The following PTPRT variants were observed in gnomAD, a reference collection of about 807,000 sequenced individuals.
PTPRT encodes the protein receptor-type tyrosine-protein phosphatase T.
Under a neutral mutation model 176.8 loss-of-function variants are expected in PTPRT, and 56 were observed. The ratio of observed to expected loss-of-function variants is 0.32; its 90% CI spans 0.26 to 0.40. PTPRT has a LOEUF of 0.40. Ranked by LOEUF, PTPRT falls within the 10% of genes least tolerant of loss-of-function variation. The pLI is 1.00. For missense variants in PTPRT, 1,540 were observed against 1,908.2 expected, an observed-to-expected ratio of 0.81 and a Z score of 3.60; for synonymous variants, 783 against 739.0, an observed-to-expected ratio of 1.06 and a Z score of -0.96.
At chr20:42,452,250 A>G (rs2070843950) in intron 8 of PTPRT, among the ~76,000 whole-genome samples, 1 of 150,972 alleles carries the variant, frequency 6.6e-6, no homozygotes, top group African/African-American at 2.4e-5. Context: ...GCCTAGTGAC[A>G]GACTGAGACT....
intron 2 of PTPRT, among the ~76,000 whole-genome samples, chr20:42,827,871 A>G (rs1385122104): frequency 6.6e-6 from 1 of 152,202 alleles, no homozygotes; most frequent in Non-Finnish European, 1.5e-5. Context: ...AGGCATCCCC[A>G]GCCATGCTGA....
At chr20:42,880,195 T>G (rs929680938) in intron 2 of PTPRT, among the ~76,000 whole-genome samples, 1 of 152,036 alleles carries the variant, frequency 6.6e-6, no homozygotes, top group African/African-American at 2.4e-5. Context: ...GCAGAATCAC[T>G]AGACCTAAAG....
chr20:43,088,033 C>T (rs576321333), intron 1 of PTPRT, among the ~76,000 whole-genome samples: 4 of 146,906 alleles, frequency 2.7e-5, no homozygotes, highest in Non-Finnish European at 6.0e-5. Flanking sequence ...AAGGAGGATA[C>T]GGAACATTTC....
At chr20:43,139,725 C>T (rs1220045834) in intron 1 of PTPRT, among the ~76,000 whole-genome samples, 1 of 152,180 alleles carries the variant, frequency 6.6e-6, no homozygotes, top group Non-Finnish European at 1.5e-5. Context: ...GGAAAACGGT[C>T]ACCCCAGGCC....
At position 42,982,702 on chromosome 20, in the gene PTPRT, A is replaced by G. The variant is rs879464358; in HGVS notation, c.89-96770T>C. Among the ~76,000 whole-genome samples the G allele has an allele frequency of 4.3e-4, 66 of 152,268 alleles. 1 individual carries two copies. Among genetic ancestry groups the G allele is most frequent in the Non-Finnish European group, 7.9e-4 (54 of 68,028 alleles). On this transcript the variant is annotated intron_variant, in intron 1 of 30. Transcript: ENST00000373187. ...CTCCGTCCACTCGGCTTCCCCAGCCAAGGACCTGGTTGCCTCCCAGGTCCT... is the reference window on the plus strand; with the variant it reads ...CTCCGTCCACTCGGCTTCCCCAGCCGAGGACCTGGTTGCCTCCCAGGTCCT...
chr20:42,356,081 A>T (rs2058354527), intron 9 of PTPRT, among the ~76,000 whole-genome samples: 1 of 152,220 alleles, frequency 6.6e-6, no homozygotes, highest in South Asian at 2.1e-4. Context: ...TGAAAAATTT[A>T]ACTTGCAAGT....
At chr20:42,761,131 T>C (rs1296722801) in intron 5 of PTPRT, among the ~76,000 whole-genome samples, 1 of 152,074 alleles carries the variant, frequency 6.6e-6, no homozygotes, top group Non-Finnish European at 1.5e-5. Context: ...CCCTGGGAAA[T>C]TGTTAAAAAT....
Position 42,791,333 on chromosome 20 carries a change from G to A in PTPRT, c.348C>T (p.Ser116=), listed in dbSNP as rs1375968907. 7 of 1,614,090 alleles carry A rather than the reference G, an allele frequency of 4.3e-6. No individual in the cohort carries two copies. In the Admixed American group the frequency reaches 8.3e-5, roughly 19 times the overall value. The part of the protein sequence containing the change: ...HYYFSSRDRS[S]PGALNVYVKV... ...TCACGTAGACGTTCAAGGCCCCTGG[G>A]CTGGACCTGTCACGGCTGGAGAAGT... Residue 116 remains serine (S), a synonymous_variant, in exon 3 of 31, where the codon AGC becomes AGT. Transcript: ENST00000373187.
chr20:42,039,451 G>A, the PTPRT span, among the ~76,000 whole-genome samples: 1 of 151,924 alleles, frequency 6.6e-6, no homozygotes, highest in Non-Finnish European at 1.5e-5. Flanking sequence ...TAACTAAAAT[G>A]TTGTGACCTT....
intron 13 of PTPRT, among the ~76,000 whole-genome samples, chr20:42,257,439 C>T (rs1319221966): frequency 6.6e-6 from 1 of 152,130 alleles, no homozygotes; most frequent in South Asian, 2.1e-4. Flanking sequence ...TTAATCTTCA[C>T]TGCCCTATCA....
intron 5 of PTPRT, among the ~76,000 whole-genome samples, chr20:42,770,557 C>T (rs941402938): frequency 6.6e-6 from 1 of 151,998 alleles, no homozygotes; most frequent in Non-Finnish European, 1.5e-5. Flanking sequence ...AAGGCAAATT[C>T]AAGCTTCAAA....
intron 6 of PTPRT, among the ~76,000 whole-genome samples, chr20:42,718,631 T>A (rs1202472118): frequency 6.6e-6 from 1 of 152,140 alleles, no homozygotes; most frequent in Admixed American, 6.5e-5. Context: ...AAAAAATATA[T>A]AATTTATGCT....
intron 1 of PTPRT, among the ~76,000 whole-genome samples, chr20:43,162,736 C>T (rs1390167397): frequency 2.4e-5 from 3 of 127,244 alleles, no homozygotes; most frequent in Non-Finnish European, 5.5e-5. Flanking sequence ...ATGGTTCCAA[C>T]CACACCAAAG....
the PTPRT span, among the ~76,000 whole-genome samples, chr20:42,053,600 G>T: frequency 6.6e-6 from 1 of 152,190 alleles, no homozygotes; most frequent in Non-Finnish European, 1.5e-5. Flanking sequence ...TTAACAAGAT[G>T]CATGGAGGAG....
intron 17 of PTPRT, among the ~76,000 whole-genome samples, chr20:42,150,701 G>A (rs1261660137): frequency 1.3e-5 from 2 of 152,160 alleles, no homozygotes; most frequent in African/African-American, 2.4e-5. Context: ...TCACCACTTC[G>A]AGTGTCAATA....
At chr20:42,157,112 G>A (rs1288596674) in intron 17 of PTPRT, among the ~76,000 whole-genome samples, 1 of 152,040 alleles carries the variant, frequency 6.6e-6, no homozygotes, top group South Asian at 2.1e-4. Flanking sequence ...CTTTGCAACT[G>A]CTTGTACATG....
chr20:42,275,367 T>C (rs1359638988), intron 13 of PTPRT, among the ~76,000 whole-genome samples: 3 of 152,232 alleles, frequency 2.0e-5, no homozygotes, highest in Non-Finnish European at 2.9e-5. Context: ...CTTTAGAAGA[T>C]GCAACTGCTT....
intron 2 of PTPRT, among the ~76,000 whole-genome samples, chr20:42,866,404 T>C (rs2078747546): frequency 6.6e-6 from 1 of 152,184 alleles, no homozygotes; most frequent in Non-Finnish European, 1.5e-5. Flanking sequence ...TTTGTTCATC[T>C]CTTTCACCAA....
At position 42,118,452 on chromosome 20, in the gene PTPRT, T is replaced by A; in HGVS notation, c.2933A>T (p.Glu978Val). The A allele has an allele frequency of 6.2e-7, 1 of 1,613,304 alleles. No homozygotes were observed. The highest frequency in any genetic ancestry group is 1.7e-5 in the Admixed American group (1 of 59,950). ...VKDFWRMIWQ[E>V]NSASIVMVTN... is the part of the protein sequence containing the mutation. ...GACCATGACGATGCTGGCGGAGTTCTCCTGCCAGATCATTCTCCAAAAGTC... is the reference window on the plus strand; with the variant it reads ...GACCATGACGATGCTGGCGGAGTTCACCTGCCAGATCATTCTCCAAAAGTC... The change falls in exon 21 of 31, where the codon GAG becomes GTG. Residue 978 changes from glutamate (E) to valine (V), a missense_variant. This residue lies in a region of PTPRT where 248 missense variants were observed against 356.7 expected (regional missense o/e 0.70). Coordinates refer to ENST00000373187, the MANE Select transcript of PTPRT (RefSeq NM_007050.6).
Sources: allele counts gnomAD v4.1 joint callset (sites outside exome capture counted in the v4.1 genomes callset), GRCh38; gene constraint gnomAD v4.1.1; regional missense constraint gnomAD v4.1.1; transcripts MANE v1.5; gene names NCBI Gene and HGNC (gene_info 2026-07-23, HGNC 2026-07-21).